The following RAP1B variants were observed in gnomAD, a reference collection of about 807,000 sequenced individuals.
RAP1B encodes the protein ras-related protein Rap-1b.
In RAP1B, 1 loss-of-function variant was observed where a neutral mutation model predicts 27.5. The observed-to-expected ratio is 0.04, with a 90% CI of 0.01 to 0.17. The LOEUF (loss-of-function observed/expected upper bound fraction) is 0.17, where lower values mean the gene tolerates loss of function less well. Ranked by LOEUF, RAP1B falls within the 10% of genes least tolerant of loss-of-function variation. RAP1B has a pLI of 1.00. For missense variants in RAP1B, 84 were observed against 214.8 expected, an observed-to-expected ratio of 0.39 and a Z score of 3.81; for synonymous variants, 75 against 73.1, an observed-to-expected ratio of 1.03 and a Z score of -0.13.
At chr12:68,611,442 C>T (rs1295420885) in intron 1 of RAP1B, among the ~76,000 whole-genome samples, 1 of 151,140 alleles carries the variant, frequency 6.6e-6, no homozygotes, top group Non-Finnish European at 1.5e-5. Context: ...TCGCTCCCCG[C>T]CCCGAGCCCC....
chr12:68,630,234 C>T (rs1032984148), intron 1 of RAP1B, among the ~76,000 whole-genome samples: 1 of 152,170 alleles, frequency 6.6e-6, no homozygotes, highest in Non-Finnish European at 1.5e-5. Context: ...TGTTGGCAAA[C>T]TTTTTCTGTA....
intron 1 of RAP1B, chr12:68,621,392 T>C (rs978056265): frequency 6.6e-5 from 10 of 152,250 alleles, no homozygotes; most frequent in African/African-American, 1.7e-4. Context: ...GTTGAAAATA[T>C]TGCATTAAAT....
intron 3 of RAP1B, 137 bp downstream of exon 3, chr12:68,650,605 T>C (rs935788309): frequency 1.3e-6 from 1 of 797,190 alleles, no homozygotes; most frequent in African/African-American, 1.8e-5. Flanking sequence ...GTTTACACTT[T>C]CTGGCATTGC....
chr12:68,612,192 A>G (rs1023932568), intron 1 of RAP1B, among the ~76,000 whole-genome samples: 1 of 152,228 alleles, frequency 6.6e-6, no homozygotes, highest in African/African-American at 2.4e-5. Context: ...TGCAGGCAGC[A>G]TCTCATATAT....
intron 1 of RAP1B, among the ~76,000 whole-genome samples, chr12:68,630,147 T>G (rs539371989): frequency 6.6e-6 from 1 of 152,212 alleles, no homozygotes; most frequent in Non-Finnish European, 1.5e-5. Flanking sequence ...ATGACTAAGC[T>G]GAAACCCATT....
intron 1 of RAP1B, among the ~76,000 whole-genome samples, 176 bp downstream of exon 1, chr12:68,611,219 C>T (rs1298582812): frequency 6.8e-6 from 1 of 146,838 alleles, no homozygotes; most frequent in East Asian, 2.0e-4. Context: ...GGCCAGGCGC[C>T]GGGCCCGCGA....
At chr12:68,656,708 T>G in intron 6 of RAP1B, 1 of 556,220 alleles carries the variant, frequency 1.8e-6, no homozygotes, top group South Asian at 2.6e-5. Context: ...GAAGACAGAT[T>G]AAGACTTCAG....
chr12:68,642,801 C>T (rs975638793), intron 1 of RAP1B: 47 of 1,030,518 alleles, frequency 4.6e-5, no homozygotes, highest in South Asian at 1.0e-4. Flanking sequence ...TCCACCAAAC[C>T]GGCCTTGGCC....
intron 7 of RAP1B, chr12:68,657,817 TAATTTAA>T: frequency 6.4e-6 from 1 of 155,310 alleles, no homozygotes. Flanking sequence ...CAACCGTCCC[TAATTTAA>T]AACACACACA....
intron 1 of RAP1B, among the ~76,000 whole-genome samples, chr12:68,638,964 G>A (rs760393182): frequency 6.6e-6 from 1 of 152,084 alleles, no homozygotes; most frequent in African/African-American, 2.4e-5. Context: ...CCCAACCTAA[G>A]ATGCTTTTAA....
chr12:68,642,595 G>A, intron 1 of RAP1B: 1 of 1,017,714 alleles, frequency 9.8e-7, no homozygotes, highest in Non-Finnish European at 1.6e-6. Flanking sequence ...CTTCGTTCAA[G>A]TCCTCAGTGG....
chr12:68,628,226 T>C (rs1463359319), intron 1 of RAP1B, among the ~76,000 whole-genome samples: 1 of 152,228 alleles, frequency 6.6e-6, no homozygotes, highest in African/African-American at 2.4e-5. Context: ...ATGGAAGAGA[T>C]GATAAATTTC....
chr12:68,629,583 T>C (rs1445842298), intron 1 of RAP1B, among the ~76,000 whole-genome samples: 3 of 152,234 alleles, frequency 2.0e-5, no homozygotes, highest in Non-Finnish European at 4.4e-5. Flanking sequence ...TTACCCAAGC[T>C]GTCCTTTTCA....
intron 1 of RAP1B, among the ~76,000 whole-genome samples, chr12:68,645,269 G>A (rs935272900): frequency 6.6e-6 from 1 of 152,154 alleles, no homozygotes; most frequent in Admixed American, 6.6e-5. Context: ...GAAAGGTTTC[G>A]TGACTTGCCC....
Position 68,632,139 on chromosome 12 carries a change from T to TG in RAP1B, c.-26-16560_-26-16559insG, listed in dbSNP as rs1167603037. Among the ~76,000 whole-genome samples, 341 of 126,862 alleles carry TG rather than the reference T, an allele frequency of 2.7e-3. 4 individuals are homozygous for TG. The highest frequency in any genetic ancestry group is 0.015 in the African/African-American group (331 of 22,804). The allele number at this position is 126,862 out of a possible 152,430, so 83.2% of individuals were successfully genotyped here. A position where few individuals can be genotyped will look rare whatever the true frequency, so the allele number is the denominator to read the frequency against. ...TTGGGTTTTGGATTTGTTTTTTTTT[T>TG]TTTTTTGTTTGTTTTTTTTTTCCAG... On this transcript the variant is annotated intron_variant, in intron 1 of 7. Transcript: ENST00000250559.
chr12:68,636,461 T>TG (rs751794744), intron 1 of RAP1B, among the ~76,000 whole-genome samples: 4 of 152,188 alleles, frequency 2.6e-5, no homozygotes, highest in Non-Finnish European at 5.9e-5. Flanking sequence ...AACAAGTTCT[T>TG]GCGTCACCCA....
chr12:68,639,205 T>A (rs1872827164), intron 1 of RAP1B, among the ~76,000 whole-genome samples: 1 of 152,146 alleles, frequency 6.6e-6, no homozygotes, highest in South Asian at 2.1e-4. Context: ...TTGACCACAG[T>A]CTATGTTATT....
chr12:68,613,233 G>A (rs1362783059), intron 1 of RAP1B, among the ~76,000 whole-genome samples: 3 of 151,836 alleles, frequency 2.0e-5, no homozygotes, highest in East Asian at 3.9e-4. Context: ...AGTGGCACGC[G>A]CCTGCAATCC....
chr12:68,631,462 C>T lies in RAP1B; in HGVS notation c.-26-17237C>T, dbSNP rs540760531. Among the ~76,000 whole-genome samples the T allele has an allele frequency of 2.6e-5, 4 of 152,262 alleles. No individual in the cohort carries two copies. The East Asian group carries it at 7.7e-4, about 29-fold the overall frequency. ...TTTTCTCAGTATTCATGTTTATCTT[C>T]AAAATGTCTATTGTTGTTGCTTATT... On this transcript the variant is annotated intron_variant, in intron 1 of 7. Coordinates refer to ENST00000250559, the MANE Select transcript of RAP1B (RefSeq NM_001010942.3).
Sources: allele counts gnomAD v4.1 joint callset (sites outside exome capture counted in the v4.1 genomes callset), GRCh38; gene constraint gnomAD v4.1.1; transcripts MANE v1.5; gene names NCBI Gene and HGNC (gene_info 2026-07-23, HGNC 2026-07-21).